Variants in FOCAD observed in about 807,000 individuals in gnomAD.
FOCAD encodes KIAA1797.
In FOCAD, 198 loss-of-function variants were observed where a neutral mutation model predicts 225.6. The ratio of observed to expected loss-of-function variants is 0.88; its 90% CI spans 0.78 to 0.99. FOCAD has a LOEUF of 0.99. FOCAD is among the 50% of genes least tolerant of loss of function. The pLI is 0.00. For synonymous variants in FOCAD, 897 were observed against 755.0 expected, an observed-to-expected ratio of 1.19 and a Z score of -3.08; for missense variants, 2,713 against 2,123.6, an observed-to-expected ratio of 1.28 and a Z score of -5.46.
At chr9:20,814,702 T>A (rs36120203) in intron 11 of FOCAD, among the ~76,000 whole-genome samples, 1 of 152,134 alleles carries the variant, frequency 6.6e-6, no homozygotes, top group Admixed American at 6.6e-5. Context: ...TTTTTTATGG[T>A]TGCCATGGGA....
At chr9:20,859,465 A>G (rs1428821631) in intron 15 of FOCAD, among the ~76,000 whole-genome samples, 4 of 151,100 alleles carry the variant, frequency 2.6e-5, no homozygotes, top group Non-Finnish European at 5.9e-5. Context: ...TTAACTTTGA[A>G]GATTGTTGTT....
chr9:20,795,636 TAGTC>T (rs1175258402), intron 11 of FOCAD, among the ~76,000 whole-genome samples: 1 of 151,526 alleles, frequency 6.6e-6, no homozygotes, highest in Admixed American at 6.6e-5. Context: ...TACAAAAACT[TAGTC>T]GGGCGTGGTG....
At chr9:20,660,429 T>C (rs1193002392) in intron 2 of FOCAD, among the ~76,000 whole-genome samples, 1 of 152,224 alleles carries the variant, frequency 6.6e-6, no homozygotes, top group Non-Finnish European at 1.5e-5. Context: ...TTTTAGGGCA[T>C]GTATCTTGAC....
At chr9:20,882,166 C>T in intron 20 of FOCAD, 110 bp downstream of exon 20, 1 of 888,666 alleles carries the variant, frequency 1.1e-6, no homozygotes, top group Non-Finnish European at 1.7e-6. Flanking sequence ...CTGCTACTAA[C>T]ATGTGGATAA....
intron 29 of FOCAD, 57 bp from the exon 30 acceptor site, chr9:20,946,644 C>A: frequency 6.4e-7 from 1 of 1,556,130 alleles, no homozygotes; most frequent in South Asian, 1.2e-5. Context: ...TCAACTAAAC[C>A]GAGTTCTTTT....
At chr9:20,681,964 G>A (rs931333529), upstream of FOCAD, among the ~76,000 whole-genome samples, 1 of 152,160 alleles carries the variant, frequency 6.6e-6, no homozygotes, top group Admixed American at 6.5e-5. Context: ...GTCCCCCAAA[G>A]TTAATGTGTT....
rs1826277584 is a variant in FOCAD at position 20,839,258 on chromosome 9, T to TC, written c.1920+16144dup. On this transcript the variant is annotated intron_variant, in intron 15 of 43. Coordinates refer to ENST00000338382, the MANE Select transcript of FOCAD (RefSeq NM_001375567.1). ...CTTGGCTTTATGGAATTTCTTTCTTTCTTTTTTTTTTTTTTTTTGAGACTA... is the reference window on the plus strand; with the variant it reads ...CTTGGCTTTATGGAATTTCTTTCTTTCCTTTTTTTTTTTTTTTTTGAGACTA... Among the ~76,000 whole-genome samples, 3 of 137,072 alleles carry TC rather than the reference T, an allele frequency of 2.2e-5. No individual in the cohort carries two copies. The Admixed American group carries it at 2.3e-4, about 10-fold the overall frequency. The allele number at this position is 137,072 out of a possible 152,430, so 89.9% of individuals were successfully genotyped here.
intron 28 of FOCAD, among the ~76,000 whole-genome samples, chr9:20,933,942 A>G (rs1835716466): frequency 6.6e-6 from 1 of 151,774 alleles, no homozygotes; most frequent in Non-Finnish European, 1.5e-5. Context: ...TTTGATTTGC[A>G]TTTCTCTGAT....
intron 11 of FOCAD, among the ~76,000 whole-genome samples, chr9:20,800,229 A>T (rs570800412): frequency 6.6e-6 from 1 of 152,254 alleles, no homozygotes; most frequent in Admixed American, 6.5e-5. Context: ...TGTTAGTCTG[A>T]TGGGCTTCCC....
At chr9:20,784,968 G>C (rs1388759437) in intron 10 of FOCAD, among the ~76,000 whole-genome samples, 1 of 151,440 alleles carries the variant, frequency 6.6e-6, no homozygotes, top group African/African-American at 2.4e-5. Context: ...TGTGGCCTTG[G>C]ACTAGTGACT....
rs757306328 is a variant in FOCAD at position 20,923,710 on chromosome 9, C to G, written c.2903C>G (p.Ala968Gly). 1 of 1,614,104 alleles carries G rather than the reference C, an allele frequency of 6.2e-7. No individual in the cohort carries two copies. Among genetic ancestry groups the G allele is most frequent in the South Asian group, 1.1e-5 (1 of 91,062 alleles). Reference sequence around the variant, plus strand: ...GCGCTGTTAGCTCTAAGCAGCCTTGCTGTCGTCGTATCTAGACATGAAGCC... The same window carrying G: ...GCGCTGTTAGCTCTAAGCAGCCTTGGTGTCGTCGTATCTAGACATGAAGCC... ...GNALLALSSLAVVVSRHEASL... is the reference protein window; with the variant it reads ...GNALLALSSLGVVVSRHEASL... The change falls in exon 25 of 44, where the codon GCT (alanine) becomes GGT (glycine). Residue 968 changes from alanine (A) to glycine (G), a missense_variant. Ala to Gly is a moderately conservative substitution (Grantham distance 60). Transcript: ENST00000338382.
chr9:20,833,409 T>C (rs1159724530), intron 15 of FOCAD, among the ~76,000 whole-genome samples: 1 of 152,124 alleles, frequency 6.6e-6, no homozygotes, highest in Admixed American at 6.6e-5. Flanking sequence ...TTGATTATTA[T>C]AGGATTAATA....
intron 1 of FOCAD, among the ~76,000 whole-genome samples, chr9:20,709,269 A>G (rs1315114471): frequency 1.3e-5 from 2 of 152,202 alleles, no homozygotes; most frequent in African/African-American, 2.4e-5. Flanking sequence ...GTTTAGACAG[A>G]CAAAAAAGGC....
chr9:20,873,468 C>T (rs535652254), intron 18 of FOCAD, among the ~76,000 whole-genome samples: 45 of 152,126 alleles, frequency 3.0e-4, no homozygotes, highest in Non-Finnish European at 4.4e-4. Context: ...GCAGTGATTT[C>T]GACAGACGCT....
intron 30 of FOCAD, 116 bp from the exon 31 acceptor site, chr9:20,948,155 C>A: frequency 5.1e-6 from 5 of 975,570 alleles, no homozygotes; most frequent in South Asian, 2.3e-5. Flanking sequence ...ATGACAAATA[C>A]AGCTTGTCAT....
chr9:20,704,758 A>G (rs1824243936), intron 1 of FOCAD, among the ~76,000 whole-genome samples: 1 of 152,172 alleles, frequency 6.6e-6, no homozygotes, highest in South Asian at 2.1e-4. Flanking sequence ...GACACCCTTT[A>G]GTGATGGATT....
At chr9:20,902,361 A>G (rs905839526) in intron 21 of FOCAD, among the ~76,000 whole-genome samples, 6 of 151,970 alleles carry the variant, frequency 3.9e-5, no homozygotes, top group African/African-American at 1.4e-4. Context: ...GTGAAGTATA[A>G]GACAAGCTTG....
Position 20,866,948 on chromosome 9 carries a change from C to G in FOCAD, c.2126C>G (p.Ala709Gly), listed in dbSNP as rs770837350. ...TQNKDPIVAN[A>G]AYRSLANFSA... ...ATCTAGGACCCAATTGTAGCAAATG[C>G]TGCATATAGATCCCTGGCCAACTTT... is the stretch of plus-strand genomic sequence containing the variant. Residue 709 changes from alanine (A) to glycine (G), a missense_variant, in exon 18 of 44, where the codon GCT becomes GGT. Ala to Gly is a moderately conservative substitution (Grantham distance 60). Coordinates refer to ENST00000338382, the MANE Select transcript of FOCAD (RefSeq NM_001375567.1). 1 of 947,886 alleles carries G rather than the reference C, an allele frequency of 1.1e-6. No individual in the cohort carries two copies. The highest frequency in any genetic ancestry group is 2.7e-4 in the Middle Eastern group (1 of 3,714). 58.7% of individuals were successfully genotyped at this position (947,886 alleles called of 1,614,324 possible). A position where few individuals can be genotyped will look rare whatever the true frequency, so the allele number is the denominator to read the frequency against.
chr9:20,897,853 G>C (rs2131956054), intron 21 of FOCAD, among the ~76,000 whole-genome samples: 1 of 151,582 alleles, frequency 6.6e-6, no homozygotes, highest in Non-Finnish European at 1.5e-5. Context: ...TCTTTATCTA[G>C]ATCTGAGCTT....
Sources: gnomAD v4.1 joint callset for allele counts (sites outside exome capture counted in the v4.1 genomes callset) on GRCh38, gnomAD v4.1.1 for gene constraint, MANE v1.5 for transcripts, NCBI Gene and HGNC (gene_info 2026-07-23, HGNC 2026-07-21) for gene names.